PRKCE: variants seen among roughly 807,000 people sequenced by gnomAD.
PRKCE encodes the protein protein kinase C epsilon type.
In PRKCE, 16 loss-of-function variants were observed where a neutral mutation model predicts 85.4. That is an observed-to-expected ratio of 0.19 (90% CI 0.13 to 0.28). The LOEUF (loss-of-function observed/expected upper bound fraction) is 0.28, where lower values mean the gene tolerates loss of function less well. Ranked by LOEUF, PRKCE falls within the 10% of genes least tolerant of loss-of-function variation. PRKCE has a pLI of 1.00. For synonymous variants in PRKCE, 388 were observed against 371.5 expected (o/e 1.04, Z -0.51); for missense variants, 573 against 975.2 (o/e 0.59, Z 5.49).
intron 2 of PRKCE, among the ~76,000 whole-genome samples, chr2:45,937,097 A>G (rs182018387): frequency 1.6e-4 from 25 of 152,348 alleles, no homozygotes; most frequent in African/African-American, 6.0e-4. Context: ...GGGATGAGCA[A>G]GATGATCCCC....
At chr2:46,132,017 G>A (rs1384219241) in intron 11 of PRKCE, among the ~76,000 whole-genome samples, 1 of 151,880 alleles carries the variant, frequency 6.6e-6, no homozygotes, top group Non-Finnish European at 1.5e-5. Flanking sequence ...GAGTCTCAAA[G>A]CATAAAAAGA....
chr2:46,122,999 T>C (rs1266146391), intron 11 of PRKCE, among the ~76,000 whole-genome samples: 1 of 150,720 alleles, frequency 6.6e-6, no homozygotes, highest in Non-Finnish European at 1.5e-5. Context: ...ATTTCCTCCC[T>C]GGTAAAATCT....
intron 11 of PRKCE, among the ~76,000 whole-genome samples, chr2:46,112,279 C>T (rs1001065874): frequency 6.6e-6 from 1 of 152,068 alleles, no homozygotes; most frequent in Non-Finnish European, 1.5e-5. Context: ...CCTGTCTGAG[C>T]CTTTATATTT....
At chr2:45,809,577 T>C (rs57426557) in intron 1 of PRKCE, among the ~76,000 whole-genome samples, 12,501 of 152,126 alleles carry the variant, frequency 0.082, 518 homozygotes, top group Middle Eastern at 0.19. Flanking sequence ...GTGTTTTTTT[T>C]TCTCACACAT....
At chr2:45,742,535 A>G (rs1040302848) in intron 1 of PRKCE, among the ~76,000 whole-genome samples, 14 of 152,208 alleles carry the variant, frequency 9.2e-5, no homozygotes, top group African/African-American at 3.1e-4. Flanking sequence ...CACATCACTA[A>G]TCATCAGAGA....
intron 1 of PRKCE, among the ~76,000 whole-genome samples, chr2:45,781,872 G>A (rs538229536): frequency 1.3e-5 from 2 of 152,084 alleles, no homozygotes; most frequent in Non-Finnish European, 2.9e-5. Context: ...GACCACAGAA[G>A]CCACCCTGGT....
At position 46,184,598 on chromosome 2, in the gene PRKCE, A is replaced by G. The variant is rs764573188; in HGVS notation, c.2068-137A>G. On this transcript the variant is annotated intron_variant, in intron 14 of 14. Transcript: ENST00000306156. This position sits in a 1 kb window ranked among gnomAD's most constrained non-coding sequence, Gnocchi z 5.0. ...CCATCCATCGTTACCTCATCGGGAC[A>G]GCCCCGTGTCTGCTGTCTGTTGGTA... 230 of 1,100,094 alleles carry G rather than the reference A, an allele frequency of 2.1e-4. No individual in the cohort carries two copies. Among genetic ancestry groups the G allele is most frequent in the Non-Finnish European group, 2.8e-4 (211 of 766,378 alleles). The allele number at this position is 1,100,094 out of a possible 1,614,324, so 68.1% of individuals were successfully genotyped here.
At chr2:45,794,613 C>T (rs73926095) in intron 1 of PRKCE, among the ~76,000 whole-genome samples, 1 of 152,114 alleles carries the variant, frequency 6.6e-6, no homozygotes, top group Non-Finnish European at 1.5e-5. Flanking sequence ...ATGGATCTCG[C>T]CTGACAGCCC....
chr2:45,686,393 T>C (rs1677301581), intron 1 of PRKCE: 1 of 152,200 alleles, frequency 6.6e-6, no homozygotes, highest in Non-Finnish European at 1.5e-5. Context: ...TCACCATTTT[T>C]CTGTGGGCAC....
chr2:45,884,966 TATATATATATATATATATATATATATA>T (rs1695143709), intron 2 of PRKCE, among the ~76,000 whole-genome samples: 6 of 56,878 alleles, frequency 1.1e-4, no homozygotes, highest in Non-Finnish European at 7.6e-5. Flanking sequence ...TATATATATA[TATATATATATATATATATATATATATA>T]TATATATATT....
chr2:45,819,371 G>A (rs1036384615), intron 1 of PRKCE, among the ~76,000 whole-genome samples: 1 of 152,158 alleles, frequency 6.6e-6, no homozygotes, highest in Non-Finnish European at 1.5e-5. Context: ...GAACCCATCT[G>A]GCTCAGAATG....
chr2:45,867,853 T>C (rs541474071), intron 2 of PRKCE, among the ~76,000 whole-genome samples: 2 of 152,340 alleles, frequency 1.3e-5, no homozygotes, highest in East Asian at 1.9e-4. Flanking sequence ...GAGCTGTTGT[T>C]TGGGGGCCTT....
intron 14 of PRKCE, among the ~76,000 whole-genome samples, chr2:46,170,492 A>T (rs951012): frequency 6.6e-6 from 1 of 152,060 alleles, no homozygotes; most frequent in Non-Finnish European, 1.5e-5. Flanking sequence ...CAAGGGAGAG[A>T]GTTACATCTG....
intron 1 of PRKCE, among the ~76,000 whole-genome samples, chr2:45,749,718 T>C (rs1002989086): frequency 1.3e-5 from 2 of 152,244 alleles, no homozygotes; most frequent in African/African-American, 4.8e-5. Flanking sequence ...AAGTGAATTC[T>C]CCAGAGTTTC....
chr2:45,853,489 T>A lies in PRKCE; in HGVS notation c.412+10426T>A, dbSNP rs576584675. ...ACTGTGCTAATTTTTTCCTGGTTCCTGGGGCTTTAATTAAAATAACTCACC... is the reference window on the plus strand; with the variant it reads ...ACTGTGCTAATTTTTTCCTGGTTCCAGGGGCTTTAATTAAAATAACTCACC... On this transcript the variant is annotated intron_variant, in intron 2 of 14. Transcript: ENST00000306156. Among the ~76,000 whole-genome samples the A allele has an allele frequency of 1.1e-4, 17 of 152,344 alleles. No homozygotes were observed. The East Asian group carries it at 3.1e-3, about 28-fold the overall frequency.
chr2:45,841,975 A>G (rs1354380870), intron 1 of PRKCE, among the ~76,000 whole-genome samples: 2 of 152,222 alleles, frequency 1.3e-5, no homozygotes, highest in South Asian at 4.1e-4. Flanking sequence ...GCCTGGCACT[A>G]TGAACCAATG....
intron 2 of PRKCE, among the ~76,000 whole-genome samples, chr2:45,938,630 T>C (rs1012773740): frequency 3.9e-5 from 6 of 152,200 alleles, no homozygotes; most frequent in African/African-American, 1.2e-4. Flanking sequence ...TCCTAACTTA[T>C]GGGTCCCTTC....
At chr2:45,873,958 C>G (rs1184316093) in intron 2 of PRKCE, among the ~76,000 whole-genome samples, 1 of 152,254 alleles carries the variant, frequency 6.6e-6, no homozygotes, top group African/African-American at 2.4e-5. Context: ...AACAGGAGTT[C>G]TGGCAGGAGA....
intron 2 of PRKCE, among the ~76,000 whole-genome samples, chr2:45,944,304 C>G (rs931717851): frequency 6.6e-6 from 1 of 152,172 alleles, no homozygotes; most frequent in Non-Finnish European, 1.5e-5. Context: ...GCCTCAGCGT[C>G]TCTCCAGCAG....
Sources: gnomAD v4.1 joint callset for allele counts (sites outside exome capture counted in the v4.1 genomes callset) on GRCh38, gnomAD v4.1.1 for gene constraint, Gnocchi (gnomAD v3.1) non-coding constraint, MANE v1.5 for transcripts, NCBI Gene and HGNC (gene_info 2026-07-23, HGNC 2026-07-21) for gene names.